The following TBC1D5 variants were observed in gnomAD, a reference collection of about 807,000 sequenced individuals.
TBC1D5 encodes the protein TBC1 domain family, member 5.
Under a neutral mutation model 100.3 loss-of-function variants are expected in TBC1D5, and 75 were observed. That is an observed-to-expected ratio of 0.75 (90% confidence interval 0.62 to 0.91). The LOEUF is 0.91. Ranked by LOEUF, TBC1D5 falls within the 40% of genes least tolerant of loss-of-function variation. The pLI is 0.00. For missense variants in TBC1D5, 910 were observed against 942.4 expected (o/e 0.97, Z 0.45); for synonymous variants, 323 against 325.6 (o/e 0.99, Z 0.09).
chr3:17,436,938 G>A (rs536194549), intron 3 of TBC1D5, among the ~76,000 whole-genome samples: 1 of 152,254 alleles, frequency 6.6e-6, no homozygotes, highest in African/African-American at 2.4e-5. Flanking sequence ...GTTAACATGT[G>A]CTATGGTTGA....
intron 3 of TBC1D5, among the ~76,000 whole-genome samples, chr3:17,485,090 ACTGT>A (rs2095545966): frequency 6.6e-6 from 1 of 152,124 alleles, no homozygotes; most frequent in South Asian, 2.1e-4. Context: ...TATGCATACA[ACTGT>A]CTAATAATGA....
At chr3:17,399,230 T>G (rs1270319239) in intron 8 of TBC1D5, among the ~76,000 whole-genome samples, 2 of 152,076 alleles carry the variant, frequency 1.3e-5, no homozygotes, top group African/African-American at 4.8e-5. Flanking sequence ...AAGTTCTGGA[T>G]TAGGCAAATA....
chr3:17,177,224 T>C (rs1321098792), intron 19 of TBC1D5, among the ~76,000 whole-genome samples: 1 of 152,338 alleles, frequency 6.6e-6, no homozygotes, highest in African/African-American at 2.4e-5. Context: ...TTGGACAGTC[T>C]GTACTGAGGC....
At chr3:17,459,701 C>A (rs2095165464) in intron 3 of TBC1D5, among the ~76,000 whole-genome samples, 1 of 150,778 alleles carries the variant, frequency 6.6e-6, no homozygotes. Context: ...AGTTCAGGGC[C>A]AGCCTGGGCA....
chr3:17,383,865 T>C (rs898230384), intron 9 of TBC1D5, 48 bp downstream of exon 9: 5 of 1,430,424 alleles, frequency 3.5e-6, no homozygotes, highest in African/African-American at 1.4e-5. Flanking sequence ...TCAAGCTGTA[T>C]AGAAAATTTT....
At chr3:17,299,068 C>T (rs889773865) in intron 14 of TBC1D5, among the ~76,000 whole-genome samples, 14 of 152,118 alleles carry the variant, frequency 9.2e-5, no homozygotes, top group African/African-American at 3.1e-4. Flanking sequence ...TAAAATAGAA[C>T]AATCATAAAA....
At chr3:17,665,849 T>C (rs1370577278) in intron 1 of TBC1D5, among the ~76,000 whole-genome samples, 3 of 152,238 alleles carry the variant, frequency 2.0e-5, no homozygotes, top group African/African-American at 4.8e-5. Context: ...CTGCAAACTC[T>C]TGAGATCTTT....
intron 3 of TBC1D5, among the ~76,000 whole-genome samples, chr3:17,463,943 C>CTTTTTTTTTTTTTT (rs1025162858): frequency 1.1e-4 from 10 of 87,530 alleles, no homozygotes; most frequent in African/African-American, 4.7e-4. Flanking sequence ...TTCCTTATTC[C>CTTTTTTTTTTTTTT]TTTTTTTTTT....
chr3:17,555,164 T>C (rs919978135), intron 2 of TBC1D5, among the ~76,000 whole-genome samples: 3 of 152,140 alleles, frequency 2.0e-5, no homozygotes, highest in Non-Finnish European at 2.9e-5. Flanking sequence ...CTTTTTTTTT[T>C]CTAATGCAAG....
chr3:17,335,290 A>C lies in TBC1D5; in HGVS notation c.996-27156T>G, dbSNP rs2087540472. Among the ~76,000 whole-genome samples the C allele has an allele frequency of 1.3e-5, 2 of 152,122 alleles. 1 individual carries two copies. Among genetic ancestry groups the C allele is most frequent in the South Asian group, 4.1e-4 (2 of 4,832 alleles). On this transcript the variant is annotated intron_variant, in intron 13 of 21. Transcript: ENST00000253692. ...TGGCTGTTACTTTGGAGTACAGATA[A>C]TTATTATTAACAGGATACATAAATG... is the stretch of plus-strand genomic sequence containing the variant.
chr3:17,718,983 C>T (rs2153959422), intron 1 of TBC1D5, among the ~76,000 whole-genome samples: 1 of 152,292 alleles, frequency 6.6e-6, no homozygotes, highest in East Asian at 1.9e-4. Flanking sequence ...ATCCCAATGT[C>T]ATTATCTCAA....
At chr3:17,488,860 C>T (rs181083293) in intron 3 of TBC1D5, among the ~76,000 whole-genome samples, 4 of 151,320 alleles carry the variant, frequency 2.6e-5, no homozygotes, top group Admixed American at 1.3e-4. Flanking sequence ...CTCTGCCTTC[C>T]GTCAGATCTG....
At chr3:17,497,960 T>C (rs2095735859) in intron 3 of TBC1D5, among the ~76,000 whole-genome samples, 1 of 152,096 alleles carries the variant, frequency 6.6e-6, no homozygotes, top group African/African-American at 2.4e-5. Flanking sequence ...TTTATAGGAA[T>C]ACAAAAATTA....
At chr3:17,735,933 G>A (rs1190096045) in intron 1 of TBC1D5, among the ~76,000 whole-genome samples, 1 of 152,208 alleles carries the variant, frequency 6.6e-6, no homozygotes, top group African/African-American at 2.4e-5. Flanking sequence ...ACAAGGGAGG[G>A]GACCCAAAGG....
intron 3 of TBC1D5, among the ~76,000 whole-genome samples, chr3:17,495,018 C>T (rs569790975): frequency 8.5e-5 from 13 of 152,342 alleles, no homozygotes; most frequent in African/African-American, 2.9e-4. Flanking sequence ...GATGGGAGCT[C>T]CCCTTGCCCC....
intron 1 of TBC1D5, among the ~76,000 whole-genome samples, chr3:17,729,225 T>C (rs1215774646): frequency 1.3e-5 from 2 of 151,838 alleles, no homozygotes; most frequent in Admixed American, 1.3e-4. Context: ...TATCTTTCTA[T>C]AAGGCAGTTT....
intron 1 of TBC1D5, among the ~76,000 whole-genome samples, chr3:17,721,312 C>T (rs1411018638): frequency 6.6e-6 from 1 of 152,094 alleles, no homozygotes; most frequent in Non-Finnish European, 1.5e-5. Flanking sequence ...AATAAATTTA[C>T]CTTTGGAAAA....
rs1281492667 is a variant in TBC1D5 at position 17,350,111 on chromosome 3, A to G, written c.995+21964T>C. On this transcript the variant is annotated intron_variant, in intron 13 of 21. Coordinates refer to ENST00000253692, the Ensembl canonical transcript of TBC1D5. Reference sequence around the variant, plus strand: ...GGCTCATTAGACACTTATGGAGCTGAAGCTAATCGTACAACTTTTGTTGTT... The same window carrying G: ...GGCTCATTAGACACTTATGGAGCTGGAGCTAATCGTACAACTTTTGTTGTT... Among the ~76,000 whole-genome samples the G allele has an allele frequency of 7.2e-5, 11 of 152,176 alleles. No homozygotes were observed. In the South Asian group the frequency reaches 2.3e-3, roughly 32 times the overall value.
chr3:17,221,984 AT>A (rs1227787027), intron 17 of TBC1D5, among the ~76,000 whole-genome samples: 2 of 152,108 alleles, frequency 1.3e-5, no homozygotes, highest in Non-Finnish European at 2.9e-5. Context: ...CATAATTCTT[AT>A]TTTGAATGTG....
Sources: allele counts gnomAD v4.1 joint callset (sites outside exome capture counted in the v4.1 genomes callset), GRCh38; gene constraint gnomAD v4.1.1; transcripts MANE v1.5; gene names NCBI Gene and HGNC (gene_info 2026-07-23, HGNC 2026-07-21).